COL9A3: variants seen among roughly 807,000 people sequenced by gnomAD.
COL9A3 encodes collagen type IX alpha 3 chain.
In COL9A3, 82 loss-of-function variants were observed where a neutral mutation model predicts 110.2. The ratio of observed to expected loss-of-function variants is 0.74; its 90% CI spans 0.62 to 0.89. COL9A3 has a LOEUF of 0.89. Among genes scored for constraint, COL9A3 ranks in the 40% least tolerant of loss-of-function variants. The pLI is 0.00. For synonymous variants in COL9A3, 494 were observed against 403.8 expected (o/e 1.22, Z -2.68); for missense variants, 1,066 against 981.3 (o/e 1.09, Z -1.15).
chr20:62,830,570 A>G lies in COL9A3; in HGVS notation c.1269A>G (p.Arg423=), dbSNP rs1379864492. The change falls in exon 24 of 32, where the codon CGA becomes CGG. Residue 423 remains arginine (R), a synonymous_variant. Transcript: ENST00000649368. ...GCCTTCCAGGCCCCCAGGGCCTCCG[A>G]GGTGACGTGGGCGACCGGGTAAGTG... ...DPGLPGPQGL[R]GDVGDRGPGG... is the part of the protein sequence containing the mutation. The G allele has an allele frequency of 6.2e-7, 1 of 1,603,630 alleles. No individual in the cohort carries two copies. The highest frequency in any genetic ancestry group is 1.7e-5 in the Admixed American group (1 of 58,842).
chr20:62,821,629 CAG>C (rs2063513847), intron 7 of COL9A3, 99 bp downstream of exon 7: 2 of 1,576,884 alleles, frequency 1.3e-6, no homozygotes, highest in Non-Finnish European at 8.7e-7. Context: ...TGGGGCTTCT[CAG>C]GGGCAGCCAT....
At position 62,829,967 on chromosome 20, in the gene COL9A3, A is replaced by ATCT. The variant is rs944094554; in HGVS notation, c.1161+153_1161+155dup. ...AGGATGCCAGGAGGTGTGGGGCCCC[A>ATCT]TCTTCTTGTCCCTCACCCGCTGGGA... On this transcript the variant is annotated intron_variant, in intron 22 of 31. Coordinates refer to ENST00000649368, the MANE Select transcript of COL9A3 (RefSeq NM_001853.4). 4 of 1,044,918 alleles carry ATCT rather than the reference A, an allele frequency of 3.8e-6. No individual in the cohort carries two copies. The African/African-American group carries it at 6.3e-5, about 17-fold the overall frequency. 64.7% of individuals were successfully genotyped at this position (1,044,918 alleles called of 1,614,324 possible).
intron 26 of COL9A3, among the ~76,000 whole-genome samples, chr20:62,833,822 T>C (rs1379359503): frequency 6.6e-6 from 1 of 152,084 alleles, no homozygotes; most frequent in Non-Finnish European, 1.5e-5. Flanking sequence ...CTCAGCCTCC[T>C]GAGTAGCCAG....
chr20:62,821,163 C>T lies in COL9A3; in HGVS notation c.310-18C>T. The T allele has an allele frequency of 6.2e-7, 1 of 1,612,632 alleles. No homozygotes were observed. The highest frequency in any genetic ancestry group is 8.5e-7 in the Non-Finnish European group (1 of 1,179,618). ...ATAGAGGCCCAGCCCAACCTAGACG[C>T]CTGCTTTCCTCCCACAGGGAAGTCT... On this transcript the variant is annotated intron_variant, in intron 5 of 31. Transcript: ENST00000649368.
chr20:62,824,344 CG>C lies in COL9A3; in HGVS notation c.520-100del, dbSNP rs1244682166. ...GAGTGGCCTCCCGGGGTCCCGTCAC[CG>C]TGCAGAGTGGCCTCCTGGGGTCCCG... On this transcript the variant is annotated intron_variant, in intron 10 of 31. Transcript: ENST00000649368. The C allele has an allele frequency of 5.6e-6, 7 of 1,257,798 alleles. No homozygotes were observed. The Admixed American group carries it at 1.4e-4, about 25-fold the overall frequency. 77.9% of individuals were successfully genotyped at this position (1,257,798 alleles called of 1,614,324 possible).
At position 62,829,620 on chromosome 20, in the gene COL9A3, C is replaced by T. The variant is rs2063580166; in HGVS notation, c.1054-8C>T. On this transcript the variant is annotated splice_polypyrimidine_tract_variant and splice_region_variant and intron_variant, in intron 20 of 31. Transcript: ENST00000649368. ...AGGCAGGCACTCACAGCTCTCCTTCCTCTACAGGGCAGAGCTGGGGAGCTG... is the reference window on the plus strand; with the variant it reads ...AGGCAGGCACTCACAGCTCTCCTTCTTCTACAGGGCAGAGCTGGGGAGCTG... The T allele has an allele frequency of 9.3e-6, 15 of 1,609,948 alleles. No homozygotes were observed. The highest frequency in any genetic ancestry group is 1.3e-5 in the Non-Finnish European group (15 of 1,178,872).
At chr20:62,839,950 G>A (rs770230084) in intron 31 of COL9A3, among the ~76,000 whole-genome samples, 4 of 152,122 alleles carry the variant, frequency 2.6e-5, no homozygotes, top group Non-Finnish European at 4.4e-5. Flanking sequence ...GTGTCCAAAC[G>A]CACAGGGGTC....
chr20:62,817,228 A>G, intron 1 of COL9A3, 86 bp downstream of exon 1: 1 of 1,000,106 alleles, frequency 1.0e-6, no homozygotes. Flanking sequence ...TGCCCGGCGC[A>G]GCCTCGACGC....
Position 62,837,158 on chromosome 20 carries a change from G to GC in COL9A3, c.1685dup (p.Gly563TrpfsTer38), listed in dbSNP as rs759213760. 3.7e-6 allele frequency: 6 copies of GC among 1,612,964 alleles called. No homozygotes were observed. The highest frequency in any genetic ancestry group is 5.1e-6 in the Non-Finnish European group (6 of 1,179,910). Reference sequence around the variant, plus strand: ...TCCATTGGTCGGCCCGGTCCAGCTGGCCCCCCTGGGCCCCCAGGACCCCCA... The same window carrying GC: ...TCCATTGGTCGGCCCGGTCCAGCTGGCCCCCCCTGGGCCCCCAGGACCCCCA... On this transcript the variant is annotated frameshift_variant, in exon 30 of 32. Transcript: ENST00000649368. LOFTEE classifies it high-confidence loss of function.
At chr20:62,839,174 G>C (rs6090133) in intron 31 of COL9A3, among the ~76,000 whole-genome samples, 1 of 152,000 alleles carries the variant, frequency 6.6e-6, no homozygotes, top group Non-Finnish European at 1.5e-5. Flanking sequence ...GCAGGTTGCA[G>C]TGAGCCAAGA....
intron 22 of COL9A3, 103 bp from the exon 23 acceptor site, chr20:62,830,255 CTG>C: frequency 1.5e-6 from 2 of 1,351,464 alleles, no homozygotes; most frequent in Non-Finnish European, 2.1e-6. Flanking sequence ...GAACCGGCTC[CTG>C]TGTCCACCCA....
rs529919988 is a variant in COL9A3, at chr20:62,827,676, A to G, written c.847-247A>G. On this transcript the variant is annotated intron_variant, in intron 16 of 31. Coordinates refer to ENST00000649368, the MANE Select transcript of COL9A3 (RefSeq NM_001853.4). ...TGAAGTGACCGTCCCCAGACTGGTC[A>G]GCCTCCACACCTCCCTCGACTGAGC... is the stretch of plus-strand genomic sequence containing the variant. 3.3e-5 allele frequency among the ~76,000 whole-genome samples: 5 copies of G among 152,332 alleles called. No individual in the cohort carries two copies. The East Asian group carries it at 9.6e-4, about 29-fold the overall frequency.
At chr20:62,818,623 G>T in intron 3 of COL9A3, 70 bp downstream of exon 3, 1 of 1,478,580 alleles carries the variant, frequency 6.8e-7, no homozygotes. Flanking sequence ...AGAACAGAGG[G>T]GTCATTGATA....
rs1212637356 is a variant in COL9A3, at chr20:62,832,001, T to C, written c.1288-153T>C. 8 of 802,658 alleles carry C rather than the reference T, an allele frequency of 1.0e-5. No homozygotes were observed. The Admixed American group carries it at 1.5e-4, about 16-fold the overall frequency. 49.7% of individuals were successfully genotyped at this position (802,658 alleles called of 1,614,324 possible). ...GAGGCTGTGAACGTGAGCTTGGCCTTTGGGCCTGTGTCTGGGAGCCGGTGT... is the reference window on the plus strand; with the variant it reads ...GAGGCTGTGAACGTGAGCTTGGCCTCTGGGCCTGTGTCTGGGAGCCGGTGT... On this transcript the variant is annotated intron_variant, in intron 24 of 31. Coordinates refer to ENST00000649368, the MANE Select transcript of COL9A3 (RefSeq NM_001853.4).
intron 25 of COL9A3, chr20:62,832,736 G>C (rs979849931): frequency 1.1e-5 from 3 of 261,964 alleles, no homozygotes; most frequent in Admixed American, 1.4e-4. Flanking sequence ...TTTCCATACC[G>C]CTGGAGGGCC....
rs1361763267 is a variant in COL9A3, at chr20:62,822,647, C to A, written c.519+15C>A. The A allele has an allele frequency of 1.2e-6, 2 of 1,611,068 alleles. No individual in the cohort carries two copies. Among genetic ancestry groups the A allele is most frequent in the South Asian group, 2.2e-5 (2 of 91,060 alleles). On this transcript the variant is annotated intron_variant, in intron 10 of 31. Coordinates refer to ENST00000649368, the MANE Select transcript of COL9A3 (RefSeq NM_001853.4). ...CTGACCTTCAGGTAGGCACTTGAAG[C>A]CATTTGTTAAGGGTGCTGGGGGGTG...
At chr20:62,837,462 A>T (rs919935286) in intron 30 of COL9A3, among the ~76,000 whole-genome samples, 197 bp downstream of exon 30, 1 of 152,244 alleles carries the variant, frequency 6.6e-6, no homozygotes, top group Non-Finnish European at 1.5e-5. Flanking sequence ...TTAACATGTG[A>T]TGTTTTTCTC....
intron 16 of COL9A3, among the ~76,000 whole-genome samples, chr20:62,827,634 C>T (rs976994877): frequency 6.6e-6 from 1 of 152,218 alleles, no homozygotes; most frequent in African/African-American, 2.4e-5. Flanking sequence ...GGCAGCCAAG[C>T]GTTCCAGGAG....
At chr20:62,818,657 C>CG (rs1448107539) in intron 3 of COL9A3, 104 bp downstream of exon 3, 19 of 1,304,490 alleles carry the variant, frequency 1.5e-5, no homozygotes, top group Non-Finnish European at 2.1e-5. Context: ...TGCCGGAGCC[C>CG]GGGTTGCCTG....
Sources: allele counts gnomAD v4.1 joint callset (sites outside exome capture counted in the v4.1 genomes callset), GRCh38; gene constraint gnomAD v4.1.1; transcripts MANE v1.5; gene names NCBI Gene and HGNC (gene_info 2026-07-23, HGNC 2026-07-21).